Variants in DENND1A observed in about 807,000 individuals in gnomAD.
DENND1A encodes the protein DENN domain-containing protein 1A.
In DENND1A, 51 loss-of-function variants were observed where a neutral mutation model predicts 113.7. The observed-to-expected ratio is 0.45, with a 90% CI of 0.36 to 0.57. DENND1A has a LOEUF of 0.57. Among genes scored for constraint, DENND1A ranks in the 20% least tolerant of loss-of-function variants. DENND1A has a pLI of 0.00. For synonymous variants in DENND1A, 565 were observed against 570.8 expected (o/e 0.99, Z 0.14); for missense variants, 1,258 against 1,395.9 (o/e 0.90, Z 1.57).
At chr9:123,730,715 A>G (rs1353231086) in intron 5 of DENND1A, among the ~76,000 whole-genome samples, 2 of 152,236 alleles carry the variant, frequency 1.3e-5, no homozygotes, top group Non-Finnish European at 2.9e-5. Context: ...TCAAGGATCT[A>G]GAACCAGAAA....
chr9:123,845,734 A>G lies in DENND1A; in HGVS notation c.88+33217T>C, dbSNP rs1842527881. 4.0e-5 allele frequency among the ~76,000 whole-genome samples: 6 copies of G among 151,420 alleles called. No individual in the cohort carries two copies. In the South Asian group the frequency reaches 1.2e-3, roughly 31 times the overall value. On this transcript the variant is annotated intron_variant, in intron 2 of 23. Coordinates refer to ENST00000394215, the MANE Select transcript of DENND1A (RefSeq NM_001352964.2). ...GGAATGGATTATAGACCCAAATGTA[A>G]GAGCTAAAACCTAATAAACAAACAA...
intron 10 of DENND1A, among the ~76,000 whole-genome samples, chr9:123,615,194 A>C (rs570439540): frequency 6.6e-6 from 1 of 152,368 alleles, no homozygotes; most frequent in East Asian, 1.9e-4. Context: ...AGCATAGGCT[A>C]AGGCATTTTC....
intron 2 of DENND1A, among the ~76,000 whole-genome samples, chr9:123,877,115 A>G (rs1847597924): frequency 6.6e-6 from 1 of 152,212 alleles, no homozygotes; most frequent in Non-Finnish European, 1.5e-5. Context: ...TGATGGGTAC[A>G]CTAAAAGCCC....
intron 11 of DENND1A, among the ~76,000 whole-genome samples, chr9:123,603,607 G>C (rs2060024849): frequency 6.6e-6 from 1 of 152,188 alleles, no homozygotes; most frequent in Non-Finnish European, 1.5e-5. Flanking sequence ...CTGCATTAGA[G>C]GGGAGAAGCA....
chr9:123,610,573 T>C (rs2060372087), intron 10 of DENND1A, among the ~76,000 whole-genome samples: 1 of 152,212 alleles, frequency 6.6e-6, no homozygotes, highest in Non-Finnish European at 1.5e-5. Context: ...GGTCAAGGGA[T>C]AGCGAGGAAG....
At chr9:123,514,453 A>C (rs1397967340) in intron 13 of DENND1A, among the ~76,000 whole-genome samples, 4 of 151,984 alleles carry the variant, frequency 2.6e-5, no homozygotes, top group Non-Finnish European at 4.4e-5. Flanking sequence ...GGGGTGTTAG[A>C]GCCTGAGGTG....
chr9:123,666,901 G>T (rs1483875385), intron 8 of DENND1A, 125 bp downstream of exon 8: 5 of 889,318 alleles, frequency 5.6e-6, no homozygotes, highest in Middle Eastern at 3.6e-4. Flanking sequence ...TTTTTATAAT[G>T]TGTTTTTTAA....
intron 20 of DENND1A, among the ~76,000 whole-genome samples, chr9:123,403,764 C>T (rs1264534126): frequency 6.6e-6 from 1 of 152,152 alleles, no homozygotes; most frequent in Non-Finnish European, 1.5e-5. Context: ...TTCCATTGGC[C>T]TCCTTGCAGG....
chr9:123,395,978 GGTGTGT>G (rs147013216), intron 21 of DENND1A, among the ~76,000 whole-genome samples: 3 of 149,928 alleles, frequency 2.0e-5, no homozygotes, highest in Non-Finnish European at 4.5e-5. Flanking sequence ...TGGTGTGCCT[GGTGTGT>G]GTGTGTGTGT....
rs56814463 is a variant in DENND1A, at chr9:123,711,513, G to GTATATATA, written c.303-34732_303-34725dup. On this transcript the variant is annotated intron_variant, in intron 5 of 23. Transcript: ENST00000394215. ...TATATATATATATATATGTATATATGTATATATATATATATATATATATAT... is the reference window on the plus strand; with the variant it reads ...TATATATATATATATATGTATATATGTATATATATATATATATATATATATATATATAT... Among the ~76,000 whole-genome samples the GTATATATA allele has an allele frequency of 3.6e-4, 43 of 120,974 alleles. 1 individual carries two copies. The highest frequency in any genetic ancestry group is 2.6e-3 in the South Asian group (10 of 3,880). 79.4% of individuals were successfully genotyped at this position (120,974 alleles called of 152,430 possible). A position where few individuals can be genotyped will look rare whatever the true frequency, so the allele number is the denominator to read the frequency against.
At chr9:123,389,184 C>T (rs534254351) in intron 21 of DENND1A, among the ~76,000 whole-genome samples, 1 of 152,400 alleles carries the variant, frequency 6.6e-6, no homozygotes, top group South Asian at 2.1e-4. Flanking sequence ...CTGCACTTTG[C>T]TGCAATCCGC....
intron 3 of DENND1A, among the ~76,000 whole-genome samples, chr9:123,774,302 A>C (rs1830160604): frequency 6.6e-6 from 1 of 152,176 alleles, no homozygotes; most frequent in Admixed American, 6.5e-5. Context: ...ACATACAAAA[A>C]AGCTAACAAA....
chr9:123,751,198 C>G (rs1306709686), intron 5 of DENND1A: 1 of 152,036 alleles, frequency 6.6e-6, no homozygotes, highest in Non-Finnish European at 1.5e-5. Context: ...TTTTTTGCTC[C>G]GTGGAAATGG....
At chr9:123,637,808 G>C (rs914888421) in intron 9 of DENND1A, among the ~76,000 whole-genome samples, 1 of 152,020 alleles carries the variant, frequency 6.6e-6, no homozygotes, top group Non-Finnish European at 1.5e-5. Context: ...CTTTTCAGGG[G>C]GTAATGGCAA....
At chr9:123,658,692 G>A (rs1236041429) in intron 8 of DENND1A, among the ~76,000 whole-genome samples, 1 of 152,130 alleles carries the variant, frequency 6.6e-6, no homozygotes, top group Non-Finnish European at 1.5e-5. Flanking sequence ...CCTGGGGGTG[G>A]CTACATGTTC....
intron 13 of DENND1A, among the ~76,000 whole-genome samples, chr9:123,512,583 A>G (rs1383456520): frequency 6.6e-6 from 1 of 152,212 alleles, no homozygotes; most frequent in Non-Finnish European, 1.5e-5. Context: ...CCCACTGGCT[A>G]TTCTGCAGCC....
intron 5 of DENND1A, among the ~76,000 whole-genome samples, chr9:123,705,858 G>A (rs1451854453): frequency 6.6e-6 from 1 of 152,126 alleles, no homozygotes; most frequent in East Asian, 1.9e-4. Context: ...GAACATCCAA[G>A]AAGAAAAGAA....
chr9:123,636,474 G>A (rs895055769), intron 9 of DENND1A, among the ~76,000 whole-genome samples: 2 of 151,896 alleles, frequency 1.3e-5, no homozygotes, highest in Non-Finnish European at 2.9e-5. Context: ...CTGCTACCAC[G>A]CCCAATTAAT....
intron 2 of DENND1A, among the ~76,000 whole-genome samples, chr9:123,872,134 C>G (rs1005080357): frequency 1.3e-4 from 19 of 151,940 alleles, no homozygotes; most frequent in African/African-American, 4.6e-4. Context: ...GGTTCTTAAA[C>G]CAATACACCA....
Sources: allele counts gnomAD v4.1 joint callset (sites outside exome capture counted in the v4.1 genomes callset), GRCh38; gene constraint gnomAD v4.1.1; transcripts MANE v1.5; gene names NCBI Gene and HGNC (gene_info 2026-07-23, HGNC 2026-07-21).